MICALL2: variants seen among roughly 807,000 people sequenced by gnomAD.
MICALL2 encodes the protein MICAL-like protein 2.
A neutral mutation model predicts 91.1 loss-of-function variants in MICALL2; 111 were observed. The observed-to-expected ratio is 1.22, with a 90% confidence interval of 1.04 to 1.43. The LOEUF is 1.43. Among genes scored for constraint, MICALL2 ranks in the 40% most tolerant of loss-of-function variants. The pLI, the probability that MICALL2 is intolerant of heterozygous loss-of-function variation, is 0.00. For synonymous variants in MICALL2, 694 were observed against 525.3 expected, an observed-to-expected ratio of 1.32 and a Z score of -4.39; for missense variants, 1,556 against 1,236.0, an observed-to-expected ratio of 1.26 and a Z score of -3.88.
chr7:1,449,526 T>C (rs1481419147), intron 2 of MICALL2, among the ~76,000 whole-genome samples: 3 of 152,228 alleles, frequency 2.0e-5, no homozygotes, highest in Non-Finnish European at 4.4e-5. Context: ...CTTGTAATTT[T>C]AGTTCATTTT....
intron 1 of MICALL2, among the ~76,000 whole-genome samples, chr7:1,457,214 C>T (rs1266941412): frequency 6.6e-6 from 1 of 152,196 alleles, no homozygotes; most frequent in Non-Finnish European, 1.5e-5. Context: ...ACTGAAAGGC[C>T]CTTATCTGCA....
rs1448238220 is a variant in MICALL2 at position 1,451,798 on chromosome 7, G to C, written c.144-1510C>G. ...AGGAAGGCTGGGCAGGTCTCAAACGGAGAAGTGGGGGCCGAGACCCCTGTG... is the reference window on the plus strand; with the variant it reads ...AGGAAGGCTGGGCAGGTCTCAAACGCAGAAGTGGGGGCCGAGACCCCTGTG... On this transcript the variant is annotated intron_variant, in intron 1 of 16. Coordinates refer to ENST00000297508, the MANE Select transcript of MICALL2 (RefSeq NM_182924.4). This position sits in a 1 kb window ranked among gnomAD's most constrained non-coding sequence, Gnocchi z 4.5. Among the ~76,000 whole-genome samples, 1 of 152,238 alleles carries C rather than the reference G, an allele frequency of 6.6e-6. No homozygotes were observed. The highest frequency in any genetic ancestry group is 1.5e-5 in the Non-Finnish European group (1 of 68,042).
chr7:1,437,023 G>A (rs66491936), intron 14 of MICALL2, 167 bp from the exon 15 acceptor site: 1 of 529,394 alleles, frequency 1.9e-6, no homozygotes, highest in African/African-American at 2.0e-5. Context: ...ATGAAGGAAG[G>A]AACGGCCACG....
At chr7:1,438,496 T>G in intron 10 of MICALL2, 143 bp from the exon 11 acceptor site, 1 of 1,456,664 alleles carries the variant, frequency 6.9e-7, no homozygotes, top group South Asian at 1.4e-5. Flanking sequence ...CCCACTGGAC[T>G]GCCCTGACCC....
rs1217523956 is a variant in MICALL2 at position 1,446,618 on chromosome 7, G to C, written c.641+95C>G. Reference sequence around the variant, plus strand: ...GGAGAGGGGAGAGGAACGAGGAGCGGGGAGGAGGAGGCCGGGTGGGAGGCG... The same window carrying C: ...GGAGAGGGGAGAGGAACGAGGAGCGCGGAGGAGGAGGCCGGGTGGGAGGCG... On this transcript the variant is annotated intron_variant, in intron 5 of 16. Coordinates refer to ENST00000297508, the MANE Select transcript of MICALL2 (RefSeq NM_182924.4). 4.9e-6 allele frequency: 4 copies of C among 820,928 alleles called. No homozygotes were observed. In the East Asian group the frequency reaches 1.1e-4, roughly 22 times the overall value. 50.9% of individuals were successfully genotyped at this position (820,928 alleles called of 1,614,324 possible).
chr7:1,445,307 G>C lies in MICALL2; in HGVS notation c.763C>G (p.Leu255Val). ...AASASPKLTG[L>V]VPRQPGAMGV... ...ATGGCCCCTGGCTGTCGGGGGACCA[G>C]ACCCGTCAACTTGGGGCTTGCAGAG... Residue 255 changes from leucine (L) to valine (V), a missense_variant, in exon 6 of 17, where the codon CTG becomes GTG. Transcript: ENST00000297508. 2.5e-6 allele frequency: 4 copies of C among 1,611,840 alleles called. No individual in the cohort carries two copies. The highest frequency in any genetic ancestry group is 3.4e-6 in the Non-Finnish European group (4 of 1,179,786).
rs978186887 is a variant in MICALL2, at chr7:1,445,772, G to A, written c.642-344C>T. 3.3e-5 allele frequency among the ~76,000 whole-genome samples: 5 copies of A among 152,150 alleles called. No homozygotes were observed. In the East Asian group the frequency reaches 5.8e-4, roughly 18 times the overall value. ...CACAGGCCACCCCAGGCCCCACCTC[G>A]GGGCTGACCCACCCTGGCCTCACAG... On this transcript the variant is annotated intron_variant, in intron 5 of 16. Transcript: ENST00000297508.
chr7:1,450,089 C>T (rs1780770122), intron 2 of MICALL2, 151 bp downstream of exon 2: 1 of 679,278 alleles, frequency 1.5e-6, no homozygotes, highest in South Asian at 1.7e-5. Context: ...GCCCAGGACG[C>T]GTTGCCGGGC....
At chr7:1,436,921 G>A (rs1562445172) in intron 14 of MICALL2, 65 bp from the exon 15 acceptor site, 6 of 1,216,008 alleles carry the variant, frequency 4.9e-6, no homozygotes, top group Non-Finnish European at 6.7e-6. Context: ...AGGACACAAT[G>A]TCCCCACCAC....
rs376244924 is a variant in MICALL2, at chr7:1,451,745, G to A, written c.144-1457C>T. On this transcript the variant is annotated intron_variant, in intron 1 of 16. Coordinates refer to ENST00000297508, the MANE Select transcript of MICALL2 (RefSeq NM_182924.4). The surrounding 1 kb of genome is among the most constrained non-coding windows in gnomAD (Gnocchi z 4.5). Reference sequence around the variant, plus strand: ...GAGGACAACCGCAGCTCCTGGTGGCGAATCTGACGGCCGTAGCTGCAGCAA... The same window carrying A: ...GAGGACAACCGCAGCTCCTGGTGGCAAATCTGACGGCCGTAGCTGCAGCAA... Among the ~76,000 whole-genome samples the A allele has an allele frequency of 2.2e-4, 33 of 152,352 alleles. No individual in the cohort carries two copies. In the East Asian group the frequency reaches 6.0e-3, roughly 28 times the overall value.
intron 12 of MICALL2, 49 bp downstream of exon 12, chr7:1,438,048 G>A (rs1780062753): frequency 6.4e-7 from 1 of 1,562,652 alleles, no homozygotes; most frequent in Admixed American, 1.9e-5. Flanking sequence ...CCAGGACTGA[G>A]GGTGTCTGTG....
intron 13 of MICALL2, 48 bp from the exon 14 acceptor site, chr7:1,437,656 C>T: frequency 6.6e-7 from 1 of 1,515,806 alleles, no homozygotes; most frequent in South Asian, 1.2e-5. Context: ...GCCCTGTCCC[C>T]CGCCTGGCCC....
At chr7:1,438,561 C>A (rs1040771610) in intron 10 of MICALL2, 1 of 1,425,866 alleles carries the variant, frequency 7.0e-7, no homozygotes, top group Non-Finnish European at 9.1e-7. Flanking sequence ...GCACCCTGCC[C>A]TCCTCCAGGT....
At chr7:1,453,841 C>G (rs569485094) in intron 1 of MICALL2, among the ~76,000 whole-genome samples, 360 of 152,306 alleles carry the variant, frequency 2.4e-3, no homozygotes, top group African/African-American at 8.3e-3. Context: ...CCTATAAATG[C>G]GTGTGATGCA....
chr7:1,448,765 C>A lies in MICALL2; in HGVS notation c.193-4G>T. The A allele has an allele frequency of 1.2e-6, 2 of 1,612,378 alleles. No homozygotes were observed. The highest frequency in any genetic ancestry group is 1.3e-5 in the African/African-American group (1 of 75,050). On this transcript the variant is annotated splice_region_variant and splice_polypyrimidine_tract_variant and intron_variant, in intron 2 of 16. Coordinates refer to ENST00000297508, the MANE Select transcript of MICALL2 (RefSeq NM_182924.4). ...GCTCCTCGGCCACGCGGAAGGCCTG[C>A]GAAAGGTGGGAGGGGGTCAGCGGGG...
At chr7:1,438,734 C>G in intron 10 of MICALL2, 106 bp downstream of exon 10, 1 of 1,506,334 alleles carries the variant, frequency 6.6e-7, no homozygotes, top group Non-Finnish European at 8.8e-7. Context: ...TCCCTCCATT[C>G]TAGGTCCTGT....
At chr7:1,443,964 G>A (rs1437232144) in intron 6 of MICALL2, among the ~76,000 whole-genome samples, 1 of 152,100 alleles carries the variant, frequency 6.6e-6, no homozygotes, top group Non-Finnish European at 1.5e-5. Context: ...GTCAGGGCCT[G>A]GCTGGACTCA....
chr7:1,450,476 A>C, intron 1 of MICALL2, 188 bp from the exon 2 acceptor site: 1 of 605,098 alleles, frequency 1.7e-6, no homozygotes, highest in Non-Finnish European at 3.0e-6. Flanking sequence ...GGCCACGGTG[A>C]TGCTGCTGGG....
chr7:1,458,839 G>A (rs1390505059), intron 1 of MICALL2, among the ~76,000 whole-genome samples: 1 of 152,248 alleles, frequency 6.6e-6, no homozygotes, highest in East Asian at 1.9e-4. Context: ...TGGTGGCCAG[G>A]CCCCTGGGCA....
Sources: allele counts gnomAD v4.1 joint callset (sites outside exome capture counted in the v4.1 genomes callset), GRCh38; gene constraint gnomAD v4.1.1; non-coding constraint Gnocchi (gnomAD v3.1); transcripts MANE v1.5; gene names NCBI Gene and HGNC (gene_info 2026-07-23, HGNC 2026-07-21).